Variants in RAD51B observed in about 807,000 individuals in gnomAD.
RAD51B encodes DNA repair protein RAD51 homolog 2.
In RAD51B, 38 loss-of-function variants were observed where a neutral mutation model predicts 42.2. The observed-to-expected ratio is 0.90, with a 90% confidence interval of 0.70 to 1.18. RAD51B has a LOEUF of 1.18. Among genes scored for constraint, RAD51B ranks in the 50% most tolerant of loss-of-function variants. The probability of loss-of-function intolerance (pLI) is 0.00; values close to 1 mark genes in which losing one functional copy is unlikely to be tolerated. For synonymous variants in RAD51B, 154 were observed against 145.2 expected, an observed-to-expected ratio of 1.06 and a Z score of -0.43; for missense variants, 373 against 400.7, an observed-to-expected ratio of 0.93 and a Z score of 0.59.
chr14:68,610,393 T>A (rs1436307342), intron 10 of RAD51B, among the ~76,000 whole-genome samples: 1 of 152,210 alleles, frequency 6.6e-6, no homozygotes, highest in Admixed American at 6.5e-5. Flanking sequence ...GGGCCTCGCT[T>A]CCCGTGGTCT....
chr14:68,529,053 C>G (rs564191780), intron 10 of RAD51B, among the ~76,000 whole-genome samples: 2 of 152,328 alleles, frequency 1.3e-5, no homozygotes, highest in East Asian at 3.8e-4. Context: ...GTGAACCAGG[C>G]TGAAGCCACA....
rs568898583 is a variant in RAD51B, at chr14:67,830,478, T to C, written c.199-4602T>C. On this transcript the variant is annotated intron_variant, in intron 3 of 10. Transcript: ENST00000471583. ...GTGCAGTGGTGCGATCTTGGCTCAC[T>C]GCAATCTCTGCCTTCTGGGTTCCAG... Among the ~76,000 whole-genome samples the C allele has an allele frequency of 2.0e-5, 3 of 151,940 alleles. No individual in the cohort carries two copies. The South Asian group carries it at 6.2e-4, about 32-fold the overall frequency.
intron 9 of RAD51B, among the ~76,000 whole-genome samples, chr14:68,455,728 A>T (rs546821058): frequency 0.015 from 2,241 of 151,476 alleles, 57 homozygotes; most frequent in African/African-American, 0.051. Context: ...TCAAAAAATT[A>T]AAAAAAAAAT....
chr14:68,467,623 C>T (rs892989831), intron 9 of RAD51B, among the ~76,000 whole-genome samples: 2 of 152,236 alleles, frequency 1.3e-5, no homozygotes, highest in African/African-American at 4.8e-5. Context: ...AGTCATATGC[C>T]CAAACCCACA....
intron 7 of RAD51B, among the ~76,000 whole-genome samples, chr14:68,049,062 C>T (rs1566605512): frequency 1.3e-5 from 2 of 152,088 alleles, no homozygotes; most frequent in Middle Eastern, 3.2e-3. Flanking sequence ...TTTGTAGGGA[C>T]ATGGATGAAG....
chr14:68,042,266 T>C (rs1316782485), intron 7 of RAD51B, among the ~76,000 whole-genome samples: 1 of 152,246 alleles, frequency 6.6e-6, no homozygotes, highest in Non-Finnish European at 1.5e-5. Flanking sequence ...CATCTATTCA[T>C]GTAATCAGAG....
At chr14:68,162,100 T>C (rs2078652221) in intron 7 of RAD51B, among the ~76,000 whole-genome samples, 1 of 152,216 alleles carries the variant, frequency 6.6e-6, no homozygotes, top group Non-Finnish European at 1.5e-5. Flanking sequence ...GCTGTTACTA[T>C]TAACATCAGT....
chr14:68,074,495 T>C (rs931936988), intron 7 of RAD51B, among the ~76,000 whole-genome samples: 58 of 152,356 alleles, frequency 3.8e-4, no homozygotes, highest in Non-Finnish European at 3.1e-4. Context: ...ATTAATTTCA[T>C]TGCCATCCAG....
At chr14:68,493,640 T>C (rs1884259830) in intron 10 of RAD51B, among the ~76,000 whole-genome samples, 1 of 152,220 alleles carries the variant, frequency 6.6e-6, no homozygotes, top group Non-Finnish European at 1.5e-5. Context: ...CAAAACAACC[T>C]AATGTATGTC....
downstream of RAD51B, among the ~76,000 whole-genome samples, chr14:68,613,647 G>T (rs1344598876): frequency 6.6e-6 from 1 of 151,814 alleles, no homozygotes; most frequent in Non-Finnish European, 1.5e-5. Flanking sequence ...GTAGAGATGG[G>T]GTTTCACCGT....
intron 7 of RAD51B, among the ~76,000 whole-genome samples, chr14:68,276,328 C>A (rs953088388): frequency 2.0e-5 from 3 of 152,188 alleles, no homozygotes; most frequent in Non-Finnish European, 4.4e-5. Context: ...AGAAGTCATA[C>A]CTTCCCATCT....
chr14:67,885,117 A>G (rs900528272), intron 5 of RAD51B, among the ~76,000 whole-genome samples: 1 of 152,250 alleles, frequency 6.6e-6, no homozygotes, highest in Non-Finnish European at 1.5e-5. Context: ...GTGATGGTTA[A>G]ACTCAAAACA....
intron 1 of RAD51B, 155 bp from the exon 2 acceptor site, chr14:67,823,387 C>T: frequency 3.5e-6 from 2 of 563,572 alleles, no homozygotes; most frequent in South Asian, 5.2e-5. Flanking sequence ...TATAGCATTC[C>T]TTTATCAGTA....
intron 7 of RAD51B, among the ~76,000 whole-genome samples, chr14:68,051,260 TAAA>T (rs1165528221): frequency 6.6e-6 from 1 of 152,052 alleles, no homozygotes; most frequent in Non-Finnish European, 1.5e-5. Flanking sequence ...TAAATTTAAA[TAAA>T]AACATATATT....
intron 7 of RAD51B, among the ~76,000 whole-genome samples, chr14:68,020,814 C>T (rs915658766): frequency 6.6e-6 from 1 of 152,122 alleles, no homozygotes; most frequent in African/African-American, 2.4e-5. Context: ...AGATCAAACT[C>T]AACATATTAT....
At chr14:68,117,136 A>G (rs554779368) in intron 7 of RAD51B, among the ~76,000 whole-genome samples, 5 of 152,338 alleles carry the variant, frequency 3.3e-5, no homozygotes, top group African/African-American at 1.2e-4. Context: ...TGCATTAGGG[A>G]AATAAAGAAA....
At chr14:68,269,968 T>C (rs751114215) in intron 7 of RAD51B, among the ~76,000 whole-genome samples, 1 of 152,204 alleles carries the variant, frequency 6.6e-6, no homozygotes, top group Non-Finnish European at 1.5e-5. Flanking sequence ...CAACTGCCAA[T>C]TGGAAACAGC....
intron 10 of RAD51B, among the ~76,000 whole-genome samples, chr14:68,560,164 C>A (rs1254136378): frequency 6.6e-6 from 1 of 152,212 alleles, no homozygotes; most frequent in Non-Finnish European, 1.5e-5. Context: ...AAATAGCACC[C>A]TTTTCCCATC....
chr14:68,367,299 T>A (rs2083162004), intron 8 of RAD51B, among the ~76,000 whole-genome samples: 1 of 152,198 alleles, frequency 6.6e-6, no homozygotes, highest in South Asian at 2.1e-4. Flanking sequence ...TAGTCATAAT[T>A]TTATGATCTA....
Sources: gnomAD v4.1 joint callset for allele counts (sites outside exome capture counted in the v4.1 genomes callset) on GRCh38, gnomAD v4.1.1 for gene constraint, MANE v1.5 for transcripts, NCBI Gene and HGNC (gene_info 2026-07-23, HGNC 2026-07-21) for gene names.